The following DHDDS variants were observed in gnomAD, a reference collection of about 807,000 sequenced individuals.
The protein encoded by DHDDS is dehydrodolichyl diphosphate synthase complex subunit DHDDS.
DHDDS carries 16 observed loss-of-function variants against 46.2 expected under a neutral mutation model. That is an observed-to-expected ratio of 0.35 (90% CI 0.23 to 0.53). The LOEUF (loss-of-function observed/expected upper bound fraction) is 0.53, where lower values mean the gene tolerates loss of function less well. Among genes scored for constraint, DHDDS ranks in the 20% least tolerant of loss-of-function variants. The probability of loss-of-function intolerance (pLI) is 0.94; values close to 1 mark genes in which losing one functional copy is unlikely to be tolerated. For synonymous variants in DHDDS, 151 were observed against 163.1 expected (o/e 0.93, Z 0.56); for missense variants, 340 against 423.7 (o/e 0.80, Z 1.73).
chr1:26,456,754 T>A (rs368891159), intron 6 of DHDDS, among the ~76,000 whole-genome samples: 19 of 152,216 alleles, frequency 1.2e-4, no homozygotes, highest in Non-Finnish European at 2.2e-4. Flanking sequence ...AAAGAAATAG[T>A]CTTTTCTTCC....
In DHDDS at chr1:26,469,927, C is replaced by G. The variant is rs1255636405; in HGVS notation, c.*796C>G. The G allele has an allele frequency of 1.3e-5, 2 of 153,776 alleles. No homozygotes were observed. The highest frequency in any genetic ancestry group is 1.3e-4 in the Admixed American group (2 of 15,478). The allele number at this position is 153,776 out of a possible 1,614,324, so 9.5% of individuals were successfully genotyped here. A position where few individuals can be genotyped will look rare whatever the true frequency, so the allele number is the denominator to read the frequency against. On this transcript the variant is annotated 3_prime_UTR_variant, in exon 9 of 9. Coordinates refer to ENST00000236342, the MANE Select transcript of DHDDS (RefSeq NM_205861.3). ...AGGCCCTGGTGAACTGAATCCAGCA[C>G]AGGCCTCCCCTGTAACACAACAGGA...
chr1:26,432,459 TGAGG>T (rs781343787), intron 1 of DHDDS, 83 bp downstream of exon 1: 132 of 172,046 alleles, frequency 7.7e-4, no homozygotes, highest in Non-Finnish European at 1.2e-3. Context: ...AAGGGACGAC[TGAGG>T]GAATAATCAG....
Position 26,440,234 on chromosome 1 carries a change from A to G in DHDDS, c.180+1950A>G, listed in dbSNP as rs181236957. Among the ~76,000 whole-genome samples the G allele has an allele frequency of 6.6e-4, 100 of 152,340 alleles. 2 individuals are homozygous for G. Among genetic ancestry groups the G allele is most frequent in the African/African-American group, 2.3e-3 (94 of 41,570 alleles). Reference sequence around the variant, plus strand: ...GACACAGTTTGATGCCAGGGCCGTGATATTTTTTTCCTTGAGTGAATGGCA... The same window carrying G: ...GACACAGTTTGATGCCAGGGCCGTGGTATTTTTTTCCTTGAGTGAATGGCA... On this transcript the variant is annotated intron_variant, in intron 3 of 8. Coordinates refer to ENST00000236342, the MANE Select transcript of DHDDS (RefSeq NM_205861.3).
intron 6 of DHDDS, chr1:26,455,286 A>G: frequency 1.8e-6 from 1 of 555,050 alleles, no homozygotes; most frequent in Non-Finnish European, 3.2e-6. Context: ...AGTCTCACAT[A>G]ACTTGGAGAA....
rs189069801 is a variant in DHDDS at position 26,458,089 on chromosome 1, C to T, written c.657+184C>T. 1.8e-3 allele frequency among the ~76,000 whole-genome samples: 278 copies of T among 152,320 alleles called. 3 individuals are homozygous for T. Among genetic ancestry groups the T allele is most frequent in the Non-Finnish European group, 9.1e-4 (62 of 68,028 alleles). On this transcript the variant is annotated intron_variant, in intron 7 of 8. Transcript: ENST00000236342. ...ATAATATTTGATGTCCATTCCTCAT[C>T]TGTCGCTGGCTTTGCGAATCCAACT...
chr1:26,433,629 G>C (rs1308131132), intron 2 of DHDDS, among the ~76,000 whole-genome samples: 1 of 139,970 alleles, frequency 7.1e-6, no homozygotes, highest in Non-Finnish European at 1.5e-5. Flanking sequence ...CTGGGTGACA[G>C]AACGGGACTG....
chr1:26,432,813 C>A, intron 1 of DHDDS, 78 bp from the exon 2 acceptor site: 1 of 835,532 alleles, frequency 1.2e-6, no homozygotes, highest in Non-Finnish European at 2.0e-6. Context: ...TCTCCATAGT[C>A]CATCTGATTC....
intron 6 of DHDDS, among the ~76,000 whole-genome samples, chr1:26,449,452 G>A (rs1369007220): frequency 2.0e-5 from 3 of 152,008 alleles, no homozygotes; most frequent in Non-Finnish European, 2.9e-5. Flanking sequence ...CCAGGCTGGC[G>A]TGCAGTGGTG....
At chr1:26,468,812 C>CCCCCCCCCCAACCCCCA in intron 8 of DHDDS, 83 bp from the exon 9 acceptor site, 1 of 601,116 alleles carries the variant, frequency 1.7e-6, no homozygotes, top group Non-Finnish European at 2.8e-6. Flanking sequence ...CCACCCTGTG[C>CCCCCCCCCCAACCCCCA]CCCACCCCCT....
At position 26,460,457 on chromosome 1, in the gene DHDDS, G is replaced by A. The variant is rs545630142; in HGVS notation, c.765+313G>A. ...GGTAGGAATAGGATTTGAGCTACAG[G>A]TCTTTTATCTTTTAAAGACTCAGGA... On this transcript the variant is annotated intron_variant, in intron 8 of 8. Coordinates refer to ENST00000236342, the MANE Select transcript of DHDDS (RefSeq NM_205861.3). Among the ~76,000 whole-genome samples the A allele has an allele frequency of 2.0e-5, 3 of 152,274 alleles. No homozygotes were observed. The East Asian group carries it at 5.8e-4, about 29-fold the overall frequency.
intron 4 of DHDDS, among the ~76,000 whole-genome samples, chr1:26,443,826 A>C (rs1400908173): frequency 6.6e-6 from 1 of 152,230 alleles, no homozygotes; most frequent in Admixed American, 6.5e-5. Context: ...CATGGGGGGC[A>C]TATCCCACTA....
At chr1:26,468,811 G>GGCCCCC in intron 8 of DHDDS, 84 bp from the exon 9 acceptor site, 4 of 637,978 alleles carry the variant, frequency 6.3e-6, no homozygotes, top group Middle Eastern at 5.1e-4. Context: ...CCCACCCTGT[G>GGCCCCC]CCCCACCCCC....
intron 6 of DHDDS, among the ~76,000 whole-genome samples, chr1:26,449,501 A>C (rs912102987): frequency 6.6e-6 from 1 of 152,074 alleles, no homozygotes; most frequent in Non-Finnish European, 1.5e-5. Flanking sequence ...CCCGGGCCCA[A>C]GCAGTCCTCC....
At position 26,460,123 on chromosome 1, in the gene DHDDS, G is replaced by A. The variant is rs2075407784; in HGVS notation, c.744G>A (p.Gln248=). The A allele has an allele frequency of 1.2e-6, 2 of 1,614,110 alleles. No homozygotes were observed. Among genetic ancestry groups the A allele is most frequent in the Non-Finnish European group, 1.7e-6 (2 of 1,179,974 alleles). Residue 248 remains glutamine, a synonymous_variant, in exon 8 of 9, where the codon CAG becomes CAA. Transcript: ENST00000236342. ...WNLFEAILQF[Q]MNHSVLQKAR... ...TCTTCGAGGCCATCCTGCAGTTCCA[G>A]ATGAACCATAGCGTGCTTCAGGTAA...
At chr1:26,468,811 G>GGCCCCCCCCCCAACCCC in intron 8 of DHDDS, 84 bp from the exon 9 acceptor site, 1 of 637,984 alleles carries the variant, frequency 1.6e-6, no homozygotes, top group Non-Finnish European at 2.6e-6. Context: ...CCCACCCTGT[G>GGCCCCCCCCCCAACCCC]CCCCACCCCC....
At chr1:26,439,956 C>T (rs886810150) in intron 3 of DHDDS, among the ~76,000 whole-genome samples, 28 of 147,256 alleles carry the variant, frequency 1.9e-4, no homozygotes, top group Admixed American at 6.6e-4. Context: ...GTGGCTAACA[C>T]GGTGAAACCC....
At chr1:26,466,966 CT>C in intron 8 of DHDDS, 1 of 180,388 alleles carries the variant, frequency 5.5e-6, no homozygotes, top group Admixed American at 5.5e-5. Context: ...TTACTCTGGC[CT>C]TAACAGGCTC....
At chr1:26,438,673 TAG>T (rs970982371) in intron 3 of DHDDS, 6 of 276,762 alleles carry the variant, frequency 2.2e-5, no homozygotes, top group Non-Finnish European at 4.3e-5. Flanking sequence ...CTGCAGTGAA[TAG>T]AGATTGTGCC....
chr1:26,457,459 G>A (rs2075381019), intron 6 of DHDDS, among the ~76,000 whole-genome samples: 1 of 150,300 alleles, frequency 6.7e-6, no homozygotes, highest in Admixed American at 6.7e-5. Flanking sequence ...AACAGTGTGA[G>A]ACTCTATCTC....
Sources: gnomAD v4.1 joint callset for allele counts (sites outside exome capture counted in the v4.1 genomes callset) on GRCh38, gnomAD v4.1.1 for gene constraint, MANE v1.5 for transcripts, NCBI Gene and HGNC (gene_info 2026-07-23, HGNC 2026-07-21) for gene names.